NCAM2: variants seen among roughly 807,000 people sequenced by gnomAD.
NCAM2 encodes the protein N-CAM-2.
Under a neutral mutation model 98.1 loss-of-function variants are expected in NCAM2, and 30 were observed. The observed-to-expected ratio is 0.31, with a 90% CI of 0.23 to 0.41. NCAM2 has a LOEUF of 0.41. Among genes scored for constraint, NCAM2 ranks in the 10% least tolerant of loss-of-function variants. NCAM2 has a pLI of 1.00. For missense variants in NCAM2, 867 were observed against 1,005.8 expected (o/e 0.86, Z 1.87); for synonymous variants, 368 against 342.4 (o/e 1.07, Z -0.83).
chr21:21,107,097 A>G (rs1324366027), intron 1 of NCAM2, among the ~76,000 whole-genome samples: 2 of 152,132 alleles, frequency 1.3e-5, no homozygotes, highest in Non-Finnish European at 2.9e-5. Context: ...CATCTCGTTT[A>G]GGGTTTATTG....
intron 9 of NCAM2, among the ~76,000 whole-genome samples, chr21:21,399,587 T>C (rs1291114106): frequency 6.6e-6 from 1 of 152,184 alleles, no homozygotes; most frequent in Non-Finnish European, 1.5e-5. Context: ...ATTTTTATTA[T>C]AAATTATTTC....
intron 1 of NCAM2, among the ~76,000 whole-genome samples, chr21:21,137,046 A>G (rs2067071763): frequency 6.6e-6 from 1 of 152,040 alleles, no homozygotes; most frequent in Admixed American, 6.6e-5. Flanking sequence ...AGGTTTCACC[A>G]TGTTGGCCAG....
chr21:21,041,057 T>G (rs1344954094), intron 1 of NCAM2, among the ~76,000 whole-genome samples: 1 of 152,128 alleles, frequency 6.6e-6, no homozygotes, highest in Non-Finnish European at 1.5e-5. Flanking sequence ...ACAATTATTA[T>G]GTGCCATTTA....
At chr21:21,245,632 T>A (rs2071238314) in intron 1 of NCAM2, among the ~76,000 whole-genome samples, 1 of 152,206 alleles carries the variant, frequency 6.6e-6, no homozygotes, top group Admixed American at 6.5e-5. Flanking sequence ...AACATGTGCC[T>A]AAATATTTCA....
chr21:21,137,521 G>A (rs182362687), intron 1 of NCAM2, among the ~76,000 whole-genome samples: 1 of 152,288 alleles, frequency 6.6e-6, no homozygotes, highest in Non-Finnish European at 1.5e-5. Context: ...GCTCACGCCT[G>A]TAATCCCAGC....
intron 1 of NCAM2, among the ~76,000 whole-genome samples, chr21:21,183,403 A>T (rs1029274332): frequency 3.9e-4 from 59 of 152,136 alleles, no homozygotes; most frequent in Admixed American, 1.3e-4. Flanking sequence ...GAGAGAAACA[A>T]GCAGATCTGT....
At chr21:21,402,193 T>A (rs1026340263) in intron 9 of NCAM2, among the ~76,000 whole-genome samples, 1 of 152,150 alleles carries the variant, frequency 6.6e-6, no homozygotes, top group Non-Finnish European at 1.5e-5. Context: ...AACAGCCATA[T>A]TTTTCTTCTT....
chr21:21,046,772 A>G (rs2065013909), intron 1 of NCAM2, among the ~76,000 whole-genome samples: 1 of 152,178 alleles, frequency 6.6e-6, no homozygotes, highest in African/African-American at 2.4e-5. Flanking sequence ...TTAATAAGAG[A>G]TAATGTCTGA....
chr21:21,313,654 T>C (rs905322962), intron 5 of NCAM2, among the ~76,000 whole-genome samples: 7 of 152,048 alleles, frequency 4.6e-5, no homozygotes, highest in African/African-American at 1.7e-4. Flanking sequence ...TGCCAGTTTC[T>C]GTGTTTTTAT....
At chr21:21,310,414 T>A (rs2074008778) in intron 5 of NCAM2, among the ~76,000 whole-genome samples, 1 of 152,188 alleles carries the variant, frequency 6.6e-6, no homozygotes, top group Non-Finnish European at 1.5e-5. Flanking sequence ...ATCTTCAGAA[T>A]ACTTTGGGTA....
At chr21:21,344,060 T>C (rs1016397642) in intron 8 of NCAM2, among the ~76,000 whole-genome samples, 1 of 152,094 alleles carries the variant, frequency 6.6e-6, no homozygotes, top group Non-Finnish European at 1.5e-5. Context: ...CACAGCAAGA[T>C]AGGGCAACTG....
intron 15 of NCAM2, among the ~76,000 whole-genome samples, chr21:21,497,503 T>C (rs1229494852): frequency 6.6e-6 from 1 of 152,168 alleles, no homozygotes; most frequent in African/African-American, 2.4e-5. Context: ...TAAAAGGATA[T>C]GGTTATCGGT....
chr21:21,326,382 G>T (rs2074511770), intron 6 of NCAM2, among the ~76,000 whole-genome samples: 1 of 152,110 alleles, frequency 6.6e-6, no homozygotes, highest in Admixed American at 6.6e-5. Flanking sequence ...TTACCATCAA[G>T]TCAGAATAGT....
intron 15 of NCAM2, among the ~76,000 whole-genome samples, chr21:21,488,141 A>G (rs954074974): frequency 5.3e-5 from 8 of 152,168 alleles, no homozygotes; most frequent in Non-Finnish European, 1.2e-4. Flanking sequence ...ATACATATAA[A>G]GACAAATAAT....
chr21:21,524,224 G>T (rs756915414), intron 16 of NCAM2, among the ~76,000 whole-genome samples: 2 of 151,830 alleles, frequency 1.3e-5, no homozygotes, highest in Non-Finnish European at 2.9e-5. Flanking sequence ...CTATTATCAG[G>T]TTTCTAAACG....
chr21:21,015,025 G>A (rs1348932847), intron 1 of NCAM2, among the ~76,000 whole-genome samples: 1 of 152,118 alleles, frequency 6.6e-6, no homozygotes, highest in Non-Finnish European at 1.5e-5. Context: ...CTTGCAGATG[G>A]GACTGAAATT....
At chr21:21,392,385 T>C (rs1400980725) in intron 9 of NCAM2, among the ~76,000 whole-genome samples, 1 of 152,228 alleles carries the variant, frequency 6.6e-6, no homozygotes, top group Non-Finnish European at 1.5e-5. Flanking sequence ...ATGTCTTTGC[T>C]ATTGTGAATA....
At chr21:21,045,021 T>G (rs1210502989) in intron 1 of NCAM2, among the ~76,000 whole-genome samples, 1 of 152,166 alleles carries the variant, frequency 6.6e-6, no homozygotes, top group Non-Finnish European at 1.5e-5. Context: ...AACACAGATA[T>G]ATAAAAATAT....
At chr21:21,360,795 C>A (rs2075625448) in intron 8 of NCAM2, among the ~76,000 whole-genome samples, 1 of 151,882 alleles carries the variant, frequency 6.6e-6, no homozygotes, top group Admixed American at 6.6e-5. Flanking sequence ...AAGAAAATCC[C>A]ACAGTAATTT....
Sources: allele counts gnomAD v4.1 joint callset (sites outside exome capture counted in the v4.1 genomes callset), GRCh38; gene constraint gnomAD v4.1.1; transcripts MANE v1.5; gene names NCBI Gene and HGNC (gene_info 2026-07-23, HGNC 2026-07-21).